Variants in CAPN8 observed in about 807,000 individuals in gnomAD.
CAPN8 encodes calpain 8.
In CAPN8, 87 loss-of-function variants were observed where a neutral mutation model predicts 80.9. That is an observed-to-expected ratio of 1.07 (90% confidence interval 0.90 to 1.28). The LOEUF is 1.28. CAPN8 is among the 50% of genes most tolerant of loss of function. The probability of loss-of-function intolerance (pLI) is 0.00; values close to 1 mark genes in which losing one functional copy is unlikely to be tolerated. For missense variants in CAPN8, 757 were observed against 702.0 expected (o/e 1.08, Z -0.89); for synonymous variants, 299 against 273.8 (o/e 1.09, Z -0.91).
At chr1:223,544,329 G>T in intron 18 of CAPN8, 146 bp from the exon 19 acceptor site, 1 of 612,154 alleles carries the variant, frequency 1.6e-6, no homozygotes, top group Non-Finnish European at 2.9e-6. Context: ...TTCTCCAGGG[G>T]ATCCCAGAAG....
chr1:223,639,855 AC>A (rs962223362), intron 2 of CAPN8, among the ~76,000 whole-genome samples: 1 of 152,264 alleles, frequency 6.6e-6, no homozygotes, highest in African/African-American at 2.4e-5. Context: ...AGTTCAAGTG[AC>A]CCCCCAAGGC....
chr1:223,641,381 T>C (rs142953586), intron 2 of CAPN8, among the ~76,000 whole-genome samples: 16 of 149,978 alleles, frequency 1.1e-4, no homozygotes, highest in African/African-American at 3.9e-4. Flanking sequence ...AAAAAAAAAC[T>C]GTTTACTAAG....
chr1:223,665,028 T>A (rs570746873), intron 1 of CAPN8, among the ~76,000 whole-genome samples: 14 of 152,120 alleles, frequency 9.2e-5, no homozygotes, highest in African/African-American at 3.4e-4. Flanking sequence ...CTGAGGCAGA[T>A]GGATCACCTG....
At position 223,627,042 on chromosome 1, in the gene CAPN8, G is replaced by C. The variant is rs1340733068; in HGVS notation, c.676C>G (p.Gln226Glu). The stretch of plus-strand genomic sequence containing the variant: ...GCACAGAGGGCCTTCCGGATGATCT[G>C]ATATAGATTGGCTGGTGGTTTCTTC... ...DLKKPPANLY[Q>E]IIRKALCAGS... is the part of the protein sequence containing the mutation. Residue 226 changes from glutamine (Q) to glutamate (E), a missense_variant, in exon 5 of 21, where the codon CAG becomes GAG. By Grantham distance (29) the Gln-to-Glu change is conservative (BLOSUM62 2). Coordinates refer to ENST00000366872, the MANE Select transcript of CAPN8 (RefSeq NM_001143962.2). 6.4e-6 allele frequency: 10 copies of C among 1,552,022 alleles called. No homozygotes were observed. Among genetic ancestry groups the C allele is most frequent in the Non-Finnish European group, 8.7e-6 (10 of 1,147,064 alleles).
chr1:223,544,401 G>GTC, intron 18 of CAPN8: 1 of 587,254 alleles, frequency 1.7e-6, no homozygotes, highest in Non-Finnish European at 3.0e-6. Context: ...CTAATTCCAG[G>GTC]TCCAGCGCTA....
intron 2 of CAPN8, among the ~76,000 whole-genome samples, chr1:223,639,569 T>A (rs1657993364): frequency 6.6e-6 from 1 of 152,236 alleles, no homozygotes; most frequent in Admixed American, 6.5e-5. Flanking sequence ...CTAAAACCAG[T>A]CTTTCCACTG....
intron 2 of CAPN8, among the ~76,000 whole-genome samples, chr1:223,649,463 C>T (rs1220001440): frequency 6.6e-6 from 1 of 152,226 alleles, no homozygotes; most frequent in African/African-American, 2.4e-5. Flanking sequence ...TCCTTCATGA[C>T]CTGCTTCCAG....
At chr1:223,629,811 A>C (rs1657721887) in intron 2 of CAPN8, among the ~76,000 whole-genome samples, 1 of 151,634 alleles carries the variant, frequency 6.6e-6, no homozygotes, top group South Asian at 2.1e-4. Context: ...TAGCTCTAGG[A>C]GTCTAAGATT....
intron 14 of CAPN8, 145 bp from the exon 15 acceptor site, chr1:223,551,162 T>G: frequency 1.7e-6 from 1 of 592,490 alleles, no homozygotes; most frequent in South Asian, 2.0e-5. Context: ...TGTTTTTTTT[T>G]GAGACAGTCT....
At position 223,665,643 on chromosome 1, in the gene CAPN8, C is replaced by T. The variant is rs1372544068; in HGVS notation, c.4G>A (p.Ala2Thr). Residue 2 changes from alanine (A) to threonine (T), a missense_variant, in exon 1 of 21, where the codon GCA becomes ACA. By Grantham distance (58) the Ala-to-Thr change is moderately conservative. Coordinates refer to ENST00000366872, the MANE Select transcript of CAPN8 (RefSeq NM_001143962.2). ...CTAGATACACCAGCTGCCTGGGCTG[C>T]CATGGCCGTGGGCTCTGTAGGGTGG... Reference protein sequence around the residue: MAAQAAGVSRQR... With the variant: MTAQAAGVSRQR... 6.4e-7 allele frequency: 1 copy of T among 1,550,990 alleles called. No homozygotes were observed. Among genetic ancestry groups the T allele is most frequent in the African/African-American group, 1.4e-5 (1 of 73,034 alleles).
At chr1:223,556,590 C>G (rs1245775603) in intron 13 of CAPN8, among the ~76,000 whole-genome samples, 1 of 152,136 alleles carries the variant, frequency 6.6e-6, no homozygotes, top group Non-Finnish European at 1.5e-5. Flanking sequence ...CCAATGTGGA[C>G]CCATGACCAG....
intron 2 of CAPN8, among the ~76,000 whole-genome samples, chr1:223,651,265 G>A (rs1344637312): frequency 2.0e-5 from 3 of 152,088 alleles, no homozygotes; most frequent in South Asian, 2.1e-4. Flanking sequence ...GAGGGCTTTC[G>A]TTTGAGGGCT....
intron 19 of CAPN8, among the ~76,000 whole-genome samples, chr1:223,543,487 TG>T (rs1028961545): frequency 6.6e-6 from 1 of 152,184 alleles, no homozygotes; most frequent in Non-Finnish European, 1.5e-5. Flanking sequence ...AAACAGATTG[TG>T]GTTGTCTTGC....
At chr1:223,610,526 G>A (rs1657005335) in intron 11 of CAPN8, among the ~76,000 whole-genome samples, 1 of 152,216 alleles carries the variant, frequency 6.6e-6, no homozygotes, top group Non-Finnish European at 1.5e-5. Flanking sequence ...AGCAAAGGGA[G>A]GAGACAGGGC....
chr1:223,633,222 A>G (rs765773825), intron 2 of CAPN8, among the ~76,000 whole-genome samples: 8 of 152,178 alleles, frequency 5.3e-5, no homozygotes, highest in Non-Finnish European at 1.0e-4. Context: ...GGTATGCCCC[A>G]TAAATTGGCT....
intron 2 of CAPN8, among the ~76,000 whole-genome samples, chr1:223,653,780 T>C (rs947958954): frequency 1.3e-5 from 2 of 152,158 alleles, no homozygotes; most frequent in Non-Finnish European, 2.9e-5. Flanking sequence ...CTTACAAAAC[T>C]AAATGAAATT....
intron 6 of CAPN8, among the ~76,000 whole-genome samples, chr1:223,625,112 T>A (rs1657528417): frequency 6.6e-6 from 1 of 151,456 alleles, no homozygotes; most frequent in South Asian, 2.1e-4. Flanking sequence ...AAAATAAAAA[T>A]AAAAAAAAAT....
chr1:223,634,674 T>G (rs1213300870), intron 2 of CAPN8, among the ~76,000 whole-genome samples: 1 of 152,208 alleles, frequency 6.6e-6, no homozygotes, highest in African/African-American at 2.4e-5. Context: ...TAAATGGCTG[T>G]CTTCCAGTTG....
chr1:223,545,456 A>T, intron 16 of CAPN8, 157 bp from the exon 17 acceptor site: 1 of 1,198,246 alleles, frequency 8.3e-7, no homozygotes, highest in Non-Finnish European at 1.1e-6. Flanking sequence ...AACAGGTTCA[A>T]ATAAAGATTA....
Sources: allele counts gnomAD v4.1 joint callset (sites outside exome capture counted in the v4.1 genomes callset), GRCh38; gene constraint gnomAD v4.1.1; transcripts MANE v1.5; gene names NCBI Gene and HGNC (gene_info 2026-07-23, HGNC 2026-07-21).